Variants in NEK4 observed in about 807,000 individuals in gnomAD.
The protein encoded by NEK4 is NIMA related kinase 4.
In NEK4, 86 loss-of-function variants were observed where a neutral mutation model predicts 98.4. The ratio of observed to expected loss-of-function variants is 0.87; its 90% CI spans 0.73 to 1.05. The LOEUF is 1.05. NEK4 is among the 50% of genes least tolerant of loss of function. NEK4 has a pLI of 0.00. For missense variants in NEK4, 898 were observed against 950.3 expected (o/e 0.94, Z 0.72); for synonymous variants, 328 against 342.2 (o/e 0.96, Z 0.46).
chr3:52,710,415 G>C lies in NEK4; in HGVS notation c.*1362C>G, dbSNP rs535342040. The C allele has an allele frequency of 6.6e-6, 1 of 151,736 alleles. No homozygotes were observed. Among genetic ancestry groups the C allele is most frequent in the African/African-American group, 2.4e-5 (1 of 41,364 alleles). 9.4% of individuals were successfully genotyped at this position (151,736 alleles called of 1,614,324 possible). On this transcript the variant is annotated 3_prime_UTR_variant, in exon 16 of 16. Coordinates refer to ENST00000233027, the MANE Select transcript of NEK4 (RefSeq NM_003157.6). ...GCTGTAAAGGGAACATTTCATTAGA[G>C]TATTTGTGTGTGTGTGTAATTTTCA...
At chr3:52,721,248 C>G (rs1258032136) in intron 15 of NEK4, among the ~76,000 whole-genome samples, 1 of 152,238 alleles carries the variant, frequency 6.6e-6, no homozygotes, top group African/African-American at 2.4e-5. Context: ...ATTGCTGCTT[C>G]TGATCACTGA....
intron 4 of NEK4, among the ~76,000 whole-genome samples, chr3:52,765,326 G>A (rs1050371764): frequency 1.3e-5 from 2 of 150,764 alleles, no homozygotes; most frequent in Non-Finnish European, 3.0e-5. Context: ...ACTCCAGCCT[G>A]GGAGACAAGA....
Position 52,766,380 on chromosome 3 carries a change from G to A in NEK4, c.361-5C>T. 6.2e-7 allele frequency: 1 copy of A among 1,600,048 alleles called. No homozygotes were observed. Among genetic ancestry groups the A allele is most frequent in the Non-Finnish European group, 8.6e-7 (1 of 1,167,544 alleles). On this transcript the variant is annotated splice_polypyrimidine_tract_variant and splice_region_variant and intron_variant, in intron 2 of 15. Transcript: ENST00000233027. ...GATGTGTTTTTCATGTAAATACTGA[G>A]GAAAGAAACAAGATTTTATTACATA... is the stretch of plus-strand genomic sequence containing the variant.
rs1369542401 is a variant in NEK4, at chr3:52,746,218, A to C, written c.1678-8T>G. 1 of 1,613,162 alleles carries C rather than the reference A, an allele frequency of 6.2e-7. No homozygotes were observed. The highest frequency in any genetic ancestry group is 2.2e-5 in the East Asian group (1 of 44,886). On this transcript the variant is annotated splice_polypyrimidine_tract_variant and splice_region_variant and intron_variant, in intron 9 of 15. Transcript: ENST00000233027. ...AGGAGGCGACTCTTGGAACTTAAAT[A>C]ATTAAAAAAGAAGATTATCAGTTTC...
intron 6 of NEK4, among the ~76,000 whole-genome samples, chr3:52,755,118 G>GAA (rs554319001): frequency 8.5e-6 from 1 of 117,284 alleles, no homozygotes; most frequent in Non-Finnish European, 1.8e-5. Flanking sequence ...TCTTAACAAT[G>GAA]AAAAAAAAAA....
intron 8 of NEK4, among the ~76,000 whole-genome samples, chr3:52,748,178 A>G (rs2097399625): frequency 6.6e-6 from 1 of 150,952 alleles, no homozygotes; most frequent in Admixed American, 6.6e-5. Flanking sequence ...TGTGTTAGCC[A>G]GGATGGTCTC....
Position 52,710,927 on chromosome 3 carries a change from A to T in NEK4, c.*850T>A, listed in dbSNP as rs1238243500. 1 of 152,612 alleles carries T rather than the reference A, an allele frequency of 6.6e-6. No homozygotes were observed. Among genetic ancestry groups the T allele is most frequent in the East Asian group, 1.9e-4 (1 of 5,204 alleles). 9.5% of individuals were successfully genotyped at this position (152,612 alleles called of 1,614,324 possible). On this transcript the variant is annotated 3_prime_UTR_variant, in exon 16 of 16. Transcript: ENST00000233027. Reference sequence around the variant, plus strand: ...ACAACTAATAAAATATGTGCTATATAATCATACATTTAAAACATGGAAAGA... The same window carrying T: ...ACAACTAATAAAATATGTGCTATATTATCATACATTTAAAACATGGAAAGA...
chr3:52,765,140 A>G (rs542259812), intron 4 of NEK4, among the ~76,000 whole-genome samples: 31 of 151,860 alleles, frequency 2.0e-4, no homozygotes, highest in Non-Finnish European at 3.5e-4. Context: ...CACCTGAGGT[A>G]AGGAGTTCGA....
At chr3:52,725,594 G>A (rs1040225716) in intron 15 of NEK4, among the ~76,000 whole-genome samples, 1 of 151,868 alleles carries the variant, frequency 6.6e-6, no homozygotes, top group Non-Finnish European at 1.5e-5. Flanking sequence ...GAAGGATTTG[G>A]GGCAGAGCTG....
intron 15 of NEK4, 99 bp from the exon 16 acceptor site, chr3:52,711,968 G>A: frequency 1.5e-6 from 1 of 653,962 alleles, no homozygotes; most frequent in South Asian, 2.1e-5. Flanking sequence ...TATCCAAGGT[G>A]GAAACCATAC....
At chr3:52,746,239 GT>G (rs765050830) in intron 9 of NEK4, 29 bp from the exon 10 acceptor site, 1 of 1,605,176 alleles carries the variant, frequency 6.2e-7, no homozygotes, top group South Asian at 1.1e-5. Context: ...AAGATTATCA[GT>G]TTCATATATA....
intron 8 of NEK4, among the ~76,000 whole-genome samples, chr3:52,749,093 A>AGAGGG (rs1297943837): frequency 2.6e-5 from 4 of 151,332 alleles, no homozygotes; most frequent in African/African-American, 9.7e-5. Context: ...CAGAAGGGGA[A>AGAGGG]GAGGGGAGGG....
intron 11 of NEK4, among the ~76,000 whole-genome samples, chr3:52,743,686 T>C (rs2097390675): frequency 6.6e-6 from 1 of 152,194 alleles, no homozygotes; most frequent in Non-Finnish European, 1.5e-5. Flanking sequence ...AGCCTCTGTT[T>C]CCTTAGCTGC....
intron 15 of NEK4, among the ~76,000 whole-genome samples, chr3:52,712,080 A>C (rs2097350946): frequency 2.0e-5 from 3 of 152,236 alleles, no homozygotes; most frequent in Non-Finnish European, 1.5e-5. Context: ...AACTAGGGAA[A>C]ACATTTGCAA....
At chr3:52,755,089 A>G (rs2154105673) in intron 6 of NEK4, among the ~76,000 whole-genome samples, 1 of 150,922 alleles carries the variant, frequency 6.6e-6, no homozygotes, top group Non-Finnish European at 1.5e-5. Context: ...AAAAAAAAAG[A>G]AAAAAGAAAA....
chr3:52,765,921 A>T lies in NEK4; in HGVS notation c.632T>A (p.Met211Lys), dbSNP rs769785712. ...AATAATCCGATAAACTAAAGAATTC[A>T]TATCTTTTGCATTGAAAGCATGCTT... The part of the protein sequence containing the change: ...TLKHAFNAKD[M>K]NSLVYRIIEG... Residue 211 changes from methionine to lysine, a missense_variant, in exon 4 of 16, where the codon ATG (methionine) becomes AAG (lysine). Met to Lys is a moderately conservative substitution (Grantham distance 95, BLOSUM62 -1). Transcript: ENST00000233027. 1.2e-6 allele frequency: 2 copies of T among 1,611,012 alleles called. No individual in the cohort carries two copies. The highest frequency in any genetic ancestry group is 3.3e-5 in the Admixed American group (2 of 60,022).
At chr3:52,728,079 A>T (rs961485116) in intron 15 of NEK4, among the ~76,000 whole-genome samples, 1 of 152,142 alleles carries the variant, frequency 6.6e-6, no homozygotes, top group African/African-American at 2.4e-5. Flanking sequence ...CAAAAAATTT[A>T]AAAAATTAAG....
chr3:52,756,152 T>C (rs1292834696), intron 6 of NEK4, among the ~76,000 whole-genome samples: 1 of 152,146 alleles, frequency 6.6e-6, no homozygotes, highest in African/African-American at 2.4e-5. Context: ...AAGCTTAATA[T>C]TGTCAATATA....
At chr3:52,767,104 CA>C (rs1436250001) in intron 2 of NEK4, among the ~76,000 whole-genome samples, 1 of 150,938 alleles carries the variant, frequency 6.6e-6, no homozygotes, top group Non-Finnish European at 1.5e-5. Flanking sequence ...GGCAACATGG[CA>C]AAACCCCATC....
Sources: allele counts gnomAD v4.1 joint callset (sites outside exome capture counted in the v4.1 genomes callset), GRCh38; gene constraint gnomAD v4.1.1; transcripts MANE v1.5; gene names NCBI Gene and HGNC (gene_info 2026-07-23, HGNC 2026-07-21).